Variants in ANO1 observed in about 807,000 individuals in gnomAD.
The protein encoded by ANO1 is anoctamin-1.
In ANO1, 59 loss-of-function variants were observed where a neutral mutation model predicts 124.0. The ratio of observed to expected loss-of-function variants is 0.48; its 90% CI spans 0.39 to 0.59. The LOEUF (loss-of-function observed/expected upper bound fraction) is 0.59. Ranked by LOEUF, ANO1 falls within the 20% of genes least tolerant of loss-of-function variation. The pLI is 0.00. For synonymous variants in ANO1, 529 were observed against 532.0 expected (o/e 0.99, Z 0.08); for missense variants, 1,059 against 1,328.0 (o/e 0.80, Z 3.15).
intron 7 of ANO1, among the ~76,000 whole-genome samples, chr11:70,114,470 G>A (rs1044165519): frequency 6.6e-6 from 1 of 152,246 alleles, no homozygotes; most frequent in African/African-American, 2.4e-5. Flanking sequence ...GGTGGCCATG[G>A]TGAGGCTCTC....
At chr11:70,181,815 G>A (rs911271321) in intron 23 of ANO1, among the ~76,000 whole-genome samples, 7 of 150,816 alleles carry the variant, frequency 4.6e-5, no homozygotes, top group African/African-American at 1.2e-4. Flanking sequence ...AAACATTCAC[G>A]AGGCACCTAG....
chr11:70,180,056 T>G lies in ANO1; in HGVS notation c.2403T>G (p.Asn801Lys). ...RGIGKLAVII[N>K]AFVISFTSDF... Reference sequence around the variant, plus strand: ...TTGGGAAGCTTGCTGTCATCATCAATGTAAGTGACATCAGGGACCTTGGCA... The same window carrying G: ...TTGGGAAGCTTGCTGTCATCATCAAGGTAAGTGACATCAGGGACCTTGGCA... The change falls in exon 23 of 26, where the codon AAT (asparagine) becomes AAG (lysine). Residue 801 changes from asparagine to lysine, a missense_variant and splice_region_variant. Transcript: ENST00000355303. 1 of 1,612,312 alleles carries G rather than the reference T, an allele frequency of 6.2e-7. No individual in the cohort carries two copies. The highest frequency in any genetic ancestry group is 8.5e-7 in the Non-Finnish European group (1 of 1,178,456).
rs1390585099 is a variant in ANO1 at position 70,189,349 on chromosome 11, GCTTCT to G, written c.*1349_*1353del. The G allele has an allele frequency of 6.6e-6, 1 of 152,562 alleles. No individual in the cohort carries two copies. The highest frequency in any genetic ancestry group is 2.4e-5 in the African/African-American group (1 of 41,422). The allele number at this position is 152,562 out of a possible 1,614,324, so 9.5% of individuals were successfully genotyped here. ...ATTTGCTAAAATCATGCAATCTGAT[GCTTCT>G]CTTTTCTCTTGTACAGTAAGTAGTT... On this transcript the variant is annotated 3_prime_UTR_variant, in exon 26 of 26. Coordinates refer to ENST00000355303, the MANE Select transcript of ANO1 (RefSeq NM_018043.7).
chr11:70,105,472 G>A (rs2045484806), intron 4 of ANO1, among the ~76,000 whole-genome samples: 1 of 151,714 alleles, frequency 6.6e-6, no homozygotes, highest in Admixed American at 6.6e-5. Flanking sequence ...GGGGTGGGGG[G>A]CTGGAGGGTG....
In ANO1 at chr11:70,096,582, C is replaced by T. The variant is rs144235562; in HGVS notation, c.442-6484C>T. Among the ~76,000 whole-genome samples, 1,306 of 152,184 alleles carry T rather than the reference C, an allele frequency of 8.6e-3. 11 individuals are homozygous for T. Among genetic ancestry groups the T allele is most frequent in the African/African-American group, 0.029 (1,186 of 41,530 alleles). On this transcript the variant is annotated intron_variant, in intron 2 of 25. Coordinates refer to ENST00000355303, the MANE Select transcript of ANO1 (RefSeq NM_018043.7). ...TGATCAGAGGTGGAACAGTTTCAGCCGGGAGCGGTGGCTCATGCCTGTAAT... is the reference window on the plus strand; with the variant it reads ...TGATCAGAGGTGGAACAGTTTCAGCTGGGAGCGGTGGCTCATGCCTGTAAT...
chr11:70,073,795 T>A (rs961070053), upstream of ANO1, among the ~76,000 whole-genome samples: 3 of 152,022 alleles, frequency 2.0e-5, no homozygotes, highest in Non-Finnish European at 2.9e-5. Flanking sequence ...CTATGGAAAC[T>A]GGATGTCCAT....
intron 22 of ANO1, among the ~76,000 whole-genome samples, chr11:70,176,689 TC>T (rs2048714050): frequency 6.6e-6 from 1 of 152,116 alleles, no homozygotes; most frequent in Non-Finnish European, 1.5e-5. Flanking sequence ...TGTCCGACCC[TC>T]CTCCCGCCCC....
chr11:70,054,325 C>T (rs1351731224), intron 1 of ANO1, among the ~76,000 whole-genome samples: 1 of 152,206 alleles, frequency 6.6e-6, no homozygotes, highest in Non-Finnish European at 1.5e-5. Context: ...AAAGGCAAGC[C>T]ATGGGAACAT....
rs528717452 is a variant in ANO1, at chr11:70,175,125, G to C, written c.2350+4086G>C. Reference sequence around the variant, plus strand: ...TGAATGAAGCTTGCAAACCCACCAGGGTGAAAGGGAGCAGCAGCTCAGTGG... The same window carrying C: ...TGAATGAAGCTTGCAAACCCACCAGCGTGAAAGGGAGCAGCAGCTCAGTGG... On this transcript the variant is annotated intron_variant, in intron 22 of 25. Transcript: ENST00000355303. Among the ~76,000 whole-genome samples the C allele has an allele frequency of 2.0e-5, 3 of 152,276 alleles. No individual in the cohort carries two copies. The East Asian group carries it at 5.8e-4, about 30-fold the overall frequency.
intron 1 of ANO1, among the ~76,000 whole-genome samples, chr11:70,084,401 G>C (rs1313543565): frequency 6.6e-6 from 1 of 152,172 alleles, no homozygotes; most frequent in African/African-American, 2.4e-5. Flanking sequence ...GACGGGGATG[G>C]CTCCCAGGTG....
the ANO1 span, among the ~76,000 whole-genome samples, chr11:69,976,295 G>A: frequency 6.6e-6 from 1 of 152,172 alleles, no homozygotes; most frequent in Non-Finnish European, 1.5e-5. Context: ...GGATCATGAG[G>A]TCAGGAGTTC....
intron 1 of ANO1, among the ~76,000 whole-genome samples, chr11:70,037,262 C>T (rs1192353058): frequency 6.6e-6 from 1 of 152,022 alleles, no homozygotes; most frequent in African/African-American, 2.4e-5. Flanking sequence ...CTGGGCAATA[C>T]TCAGTGGAGC....
Position 70,185,660 on chromosome 11 carries a change from C to T in ANO1, c.2659C>T (p.Leu887=). The T allele has an allele frequency of 6.2e-7, 1 of 1,613,974 alleles. No individual in the cohort carries two copies. Among genetic ancestry groups the T allele is most frequent in the Non-Finnish European group, 8.5e-7 (1 of 1,179,834 alleles). ...CATCTCCAAGGACTTCTGGGCCGTC[C>T]TGGCAGCCCGGCTGGCGTTTGTCAT... ...YDISKDFWAV[L]AARLAFVIVF... is the part of the protein sequence containing the mutation. Residue 887 remains leucine (L), a synonymous_variant, in exon 25 of 26, where the codon CTG becomes TTG. Coordinates refer to ENST00000355303, the MANE Select transcript of ANO1 (RefSeq NM_018043.7).
chr11:70,145,399 C>A, intron 11 of ANO1, among the ~76,000 whole-genome samples: 1 of 152,194 alleles, frequency 6.6e-6, no homozygotes, highest in Non-Finnish European at 1.5e-5. Flanking sequence ...CCTTCCGCTG[C>A]CAATGCTTCT....
Position 70,188,068 on chromosome 11 carries a change from C to A in ANO1, c.*64C>A. The A allele has an allele frequency of 6.7e-7, 1 of 1,502,828 alleles. No homozygotes were observed. 93.1% of individuals were successfully genotyped at this position (1,502,828 alleles called of 1,614,324 possible). A position where few individuals can be genotyped will look rare whatever the true frequency, so the allele number is the denominator to read the frequency against. On this transcript the variant is annotated 3_prime_UTR_variant, in exon 26 of 26. Transcript: ENST00000355303. ...GACCGATGGGCACCCTCTCCCAGGGCAGGCGGCTTCCCGCTCCCACCAGGG... is the reference window on the plus strand; with the variant it reads ...GACCGATGGGCACCCTCTCCCAGGGAAGGCGGCTTCCCGCTCCCACCAGGG...
At chr11:70,006,633 T>TTTC (rs1565158801) in intron 1 of ANO1, among the ~76,000 whole-genome samples, 1 of 150,388 alleles carries the variant, frequency 6.6e-6, no homozygotes, top group African/African-American at 2.5e-5. Flanking sequence ...TTCTTCTTTC[T>TTTC]TTTCTTTCTT....
At chr11:69,994,636 T>G (rs1279785994) in intron 1 of ANO1, among the ~76,000 whole-genome samples, 1 of 152,226 alleles carries the variant, frequency 6.6e-6, no homozygotes, top group Non-Finnish European at 1.5e-5. Flanking sequence ...ACAGGAAGCA[T>G]GATTTGTCAA....
At chr11:70,122,460 C>T (rs1391582986) in intron 8 of ANO1, among the ~76,000 whole-genome samples, 1 of 149,286 alleles carries the variant, frequency 6.7e-6, no homozygotes, top group African/African-American at 2.5e-5. Flanking sequence ...CTCTGTCTCT[C>T]TGTCTCTGTC....
chr11:70,007,065 C>A (rs900428724), intron 1 of ANO1, among the ~76,000 whole-genome samples: 1 of 152,112 alleles, frequency 6.6e-6, no homozygotes, highest in African/African-American at 2.4e-5. Context: ...CATACTGAAA[C>A]TCTGTACCCA....
Sources: gnomAD v4.1 joint callset for allele counts (sites outside exome capture counted in the v4.1 genomes callset) on GRCh38, gnomAD v4.1.1 for gene constraint, MANE v1.5 for transcripts, NCBI Gene and HGNC (gene_info 2026-07-23, HGNC 2026-07-21) for gene names.